MACROD2: variants seen among roughly 807,000 people sequenced by gnomAD.
The protein encoded by MACROD2 is mono-ADP ribosylhydrolase 2, also known as ADP-ribose glycohydrolase MACROD2.
A neutral mutation model predicts 70.4 loss-of-function variants in MACROD2; 36 were observed. The ratio of observed to expected loss-of-function variants is 0.51; its 90% CI spans 0.39 to 0.68. The LOEUF is 0.68. Ranked by LOEUF, MACROD2 falls within the 30% of genes least tolerant of loss-of-function variation. MACROD2 has a pLI of 0.00. For missense variants in MACROD2, 496 were observed against 538.4 expected (o/e 0.92, Z 0.78); for synonymous variants, 172 against 178.8 (o/e 0.96, Z 0.30).
chr20:15,329,904 C>G lies in MACROD2; in HGVS notation c.540+99843C>G, dbSNP rs2077974229. Among the ~76,000 whole-genome samples, 3 of 152,100 alleles carry G rather than the reference C, an allele frequency of 2.0e-5. No individual in the cohort carries two copies. The South Asian group carries it at 6.2e-4, about 31-fold the overall frequency. On this transcript the variant is annotated intron_variant, in intron 6 of 17. Coordinates refer to ENST00000684519, the MANE Select transcript of MACROD2 (RefSeq NM_001351661.2). ...CAGACACAGAGGAGGGTCACTCTTA[C>G]TTTTTCCTCTCCCTTGTAAAATCAT...
chr20:14,133,537 A>C (rs1308727560), intron 3 of MACROD2, among the ~76,000 whole-genome samples: 1 of 152,218 alleles, frequency 6.6e-6, no homozygotes, highest in Non-Finnish European at 1.5e-5. Context: ...TTAAAATGTC[A>C]GGTAGTGATA....
intron 8 of MACROD2, among the ~76,000 whole-genome samples, chr20:15,539,698 G>A (rs866851151): frequency 1.3e-5 from 2 of 152,188 alleles, no homozygotes; most frequent in African/African-American, 4.8e-5. Flanking sequence ...CTACTTAGAA[G>A]GTTCTTGAGC....
intron 3 of MACROD2, among the ~76,000 whole-genome samples, chr20:14,263,283 A>G (rs2122320786): frequency 6.6e-6 from 1 of 152,346 alleles, no homozygotes; most frequent in East Asian, 1.9e-4. Flanking sequence ...GAAGAATTGG[A>G]AAGCTAAATA....
intron 4 of MACROD2, among the ~76,000 whole-genome samples, chr20:14,636,753 C>A (rs1416822080): frequency 6.6e-6 from 1 of 152,048 alleles, no homozygotes; most frequent in Non-Finnish European, 1.5e-5. Flanking sequence ...ATATCTACAA[C>A]AATATTTTGA....
chr20:14,553,551 G>A (rs1408620965), intron 4 of MACROD2, among the ~76,000 whole-genome samples: 2 of 150,708 alleles, frequency 1.3e-5, no homozygotes, highest in African/African-American at 4.9e-5. Context: ...CTATACTTTT[G>A]TATGACTGGC....
intron 3 of MACROD2, among the ~76,000 whole-genome samples, chr20:14,451,774 A>C (rs1259963034): frequency 6.6e-6 from 1 of 152,138 alleles, no homozygotes; most frequent in Non-Finnish European, 1.5e-5. Flanking sequence ...AGGCCAAGGG[A>C]ATATGGGAGG....
intron 8 of MACROD2, among the ~76,000 whole-genome samples, chr20:15,747,836 A>G (rs936147556): frequency 1.6e-4 from 25 of 152,108 alleles, no homozygotes; most frequent in African/African-American, 6.0e-4. Context: ...TACAGTGTTG[A>G]AAAAGAGTGG....
chr20:14,071,549 C>T (rs1162396541), intron 2 of MACROD2, among the ~76,000 whole-genome samples: 1 of 144,952 alleles, frequency 6.9e-6, no homozygotes, highest in Non-Finnish European at 1.6e-5. Context: ...TGTGAGCCAC[C>T]GTGCTGGGCC....
At chr20:15,107,918 T>C (rs1392383187) in intron 5 of MACROD2, among the ~76,000 whole-genome samples, 2 of 151,936 alleles carry the variant, frequency 1.3e-5, no homozygotes, top group African/African-American at 2.4e-5. Flanking sequence ...CAGGTTCAGC[T>C]TGCAGGATTT....
intron 5 of MACROD2, among the ~76,000 whole-genome samples, chr20:15,007,832 A>G (rs2075051937): frequency 6.6e-6 from 1 of 152,174 alleles, no homozygotes; most frequent in African/African-American, 2.4e-5. Context: ...AAACCCCAAT[A>G]ACTCTGGGGC....
chr20:14,545,496 A>G (rs1402327597), intron 4 of MACROD2, among the ~76,000 whole-genome samples: 2 of 152,168 alleles, frequency 1.3e-5, no homozygotes, highest in Non-Finnish European at 1.5e-5. Flanking sequence ...GAGATTTTTT[A>G]CCATCTTCCA....
chr20:15,896,605 A>C (rs931901759), intron 10 of MACROD2, among the ~76,000 whole-genome samples: 2 of 151,750 alleles, frequency 1.3e-5, no homozygotes, highest in African/African-American at 4.8e-5. Context: ...TGGAAATTAG[A>C]ACAAATTTTT....
intron 8 of MACROD2, among the ~76,000 whole-genome samples, chr20:15,606,220 C>T (rs568146954): frequency 5.9e-5 from 9 of 152,244 alleles, no homozygotes; most frequent in African/African-American, 1.9e-4. Context: ...GTGTCTCAGT[C>T]GCCTTTTTAG....
intron 3 of MACROD2, among the ~76,000 whole-genome samples, chr20:14,314,209 A>C (rs1394041464): frequency 6.6e-6 from 1 of 152,184 alleles, no homozygotes; most frequent in Non-Finnish European, 1.5e-5. Context: ...TTAGCAGTTG[A>C]CATTTCCACT....
intron 5 of MACROD2, among the ~76,000 whole-genome samples, chr20:14,908,438 T>G (rs2122581640): frequency 6.6e-6 from 1 of 152,290 alleles, no homozygotes; most frequent in African/African-American, 2.4e-5. Flanking sequence ...GCAGATCACC[T>G]GAGGCCAGGA....
rs539493152 is a variant in MACROD2 at position 14,598,843 on chromosome 20, A to T, written c.302-86000A>T. On this transcript the variant is annotated intron_variant, in intron 4 of 17. Transcript: ENST00000684519. ...TGACATATGCCACAAATCTTGGGCT[A>T]GATTCGAAGATGAAGAATTATATCA... is the stretch of plus-strand genomic sequence containing the variant. Among the ~76,000 whole-genome samples, 14 of 152,292 alleles carry T rather than the reference A, an allele frequency of 9.2e-5. No individual in the cohort carries two copies. The South Asian group carries it at 1.7e-3, about 18-fold the overall frequency.
chr20:15,825,375 TGGTCCAAGGCTGAA>T (rs1411718738), intron 8 of MACROD2, among the ~76,000 whole-genome samples: 5 of 152,198 alleles, frequency 3.3e-5, no homozygotes, highest in African/African-American at 1.2e-4. Context: ...ATAGATGCTC[TGGTCCAAGGCTGAA>T]GCTGATCTCC....
chr20:14,102,287 C>A (rs958365671), intron 3 of MACROD2, among the ~76,000 whole-genome samples: 1 of 152,006 alleles, frequency 6.6e-6, no homozygotes, highest in Non-Finnish European at 1.5e-5. Flanking sequence ...CAGGCTTGAG[C>A]GACCGCGGCT....
intron 5 of MACROD2, among the ~76,000 whole-genome samples, chr20:15,006,129 T>TTA (rs1206706409): frequency 0.01 from 1,449 of 138,918 alleles, 23 homozygotes; most frequent in African/African-American, 0.029. Context: ...AGAATGCATT[T>TTA]TATATATATA....
Sources: gnomAD v4.1 joint callset for allele counts (sites outside exome capture counted in the v4.1 genomes callset) on GRCh38, gnomAD v4.1.1 for gene constraint, MANE v1.5 for transcripts, NCBI Gene and HGNC (gene_info 2026-07-23, HGNC 2026-07-21) for gene names.